NFIC: variants seen among roughly 807,000 people sequenced by gnomAD.
NFIC encodes the protein nuclear factor 1 C-type.
A neutral mutation model predicts 54.4 loss-of-function variants in NFIC; 12 were observed. That is an observed-to-expected ratio of 0.22 (90% CI 0.14 to 0.36). The LOEUF (loss-of-function observed/expected upper bound fraction) is 0.36, where lower values mean the gene tolerates loss of function less well. Among genes scored for constraint, NFIC ranks in the 10% least tolerant of loss-of-function variants. The probability of loss-of-function intolerance (pLI) is 1.00; values close to 1 mark genes in which losing one functional copy is unlikely to be tolerated. For synonymous variants in NFIC, 322 were observed against 319.2 expected (o/e 1.01, Z -0.09); for missense variants, 575 against 718.2 (o/e 0.80, Z 2.28).
intron 2 of NFIC, among the ~76,000 whole-genome samples, chr19:3,397,130 G>A (rs2081477453): frequency 6.6e-6 from 1 of 152,150 alleles, no homozygotes; most frequent in African/African-American, 2.4e-5. Flanking sequence ...ATTGTTGGCA[G>A]CTACCTCACC....
chr19:3,390,296 G>A (rs1309454682), intron 2 of NFIC, among the ~76,000 whole-genome samples: 1 of 152,224 alleles, frequency 6.6e-6, no homozygotes, highest in Non-Finnish European at 1.5e-5. Flanking sequence ...TGCCGGGCGT[G>A]AGTCGCAGAC....
chr19:3,442,380 CTTT>C (rs10622379), intron 6 of NFIC, among the ~76,000 whole-genome samples: 2 of 132,620 alleles, frequency 1.5e-5, no homozygotes. Flanking sequence ...CTTCCCATCC[CTTT>C]TTTTTTTTTT....
intron 2 of NFIC, among the ~76,000 whole-genome samples, chr19:3,414,521 G>A (rs1214023367): frequency 6.6e-6 from 1 of 151,944 alleles, no homozygotes; most frequent in Non-Finnish European, 1.5e-5. Flanking sequence ...CTTGAACCCG[G>A]GAGGTGGAGG....
chr19:3,436,079 C>T (rs373134408), intron 6 of NFIC, among the ~76,000 whole-genome samples: 24 of 151,090 alleles, frequency 1.6e-4, no homozygotes, highest in African/African-American at 5.7e-4. Flanking sequence ...TCGCCCGCCT[C>T]GGCCTCCCAA....
At chr19:3,363,263 A>AT (rs1210474799), upstream of NFIC, among the ~76,000 whole-genome samples, 122 of 60,798 alleles carry the variant, frequency 2.0e-3, no homozygotes, top group Non-Finnish European at 2.8e-3. Flanking sequence ...ATATATATAT[A>AT]TATATATTTT....
In NFIC at chr19:3,458,896, G is replaced by A. The variant is rs1043622488; in HGVS notation, c.1509+2261G>A. Among the ~76,000 whole-genome samples, 1 of 152,106 alleles carries A rather than the reference G, an allele frequency of 6.6e-6. No individual in the cohort carries two copies. The highest frequency in any genetic ancestry group is 1.9e-4 in the East Asian group (1 of 5,180). ...GGAGCATGGGTTAGGGGGAAGGCGAGGTCCCCAAACTGGGCATCCAGGGAG... is the reference window on the plus strand; with the variant it reads ...GGAGCATGGGTTAGGGGGAAGGCGAAGTCCCCAAACTGGGCATCCAGGGAG... On this transcript the variant is annotated intron_variant, in intron 10 of 10. Transcript: ENST00000443272. This position sits in a 1 kb window ranked among gnomAD's most constrained non-coding sequence, Gnocchi z 4.1.
intron 10 of NFIC, among the ~76,000 whole-genome samples, chr19:3,460,498 T>G (rs1443789753): frequency 1.3e-5 from 2 of 152,030 alleles, no homozygotes; most frequent in East Asian, 3.9e-4. Flanking sequence ...AGGAGAATTT[T>G]TTTTTGTTTT....
At position 3,452,648 on chromosome 19, in the gene NFIC, C is replaced by T. The variant is rs1226083698; in HGVS notation, c.1251C>T (p.Ala417=). ...KDLVSLACDP[A]SQQPGPLNGS... is the part of the protein sequence containing the mutation. Reference sequence around the variant, plus strand: ...TTGTCTCGCTGGCCTGCGACCCAGCCAGCCAGCAACCTGGACCGGTGAGTT... The same window carrying T: ...TTGTCTCGCTGGCCTGCGACCCAGCTAGCCAGCAACCTGGACCGGTGAGTT... The change falls in exon 8 of 11, where the codon GCC becomes GCT. Residue 417 remains alanine, a synonymous_variant. Transcript: ENST00000443272. The surrounding 1 kb of genome is among the most constrained non-coding windows in gnomAD (Gnocchi z 5.3). 1 of 1,609,040 alleles carries T rather than the reference C, an allele frequency of 6.2e-7. No homozygotes were observed. The highest frequency in any genetic ancestry group is 8.5e-7 in the Non-Finnish European group (1 of 1,177,770).
At chr19:3,451,317 G>A (rs73523833) in intron 7 of NFIC, among the ~76,000 whole-genome samples, 8,567 of 152,114 alleles carry the variant, frequency 0.056, 748 homozygotes, top group African/African-American at 0.19. Flanking sequence ...AGTGACGGCT[G>A]ATGGAGACGG....
intron 2 of NFIC, among the ~76,000 whole-genome samples, chr19:3,393,266 C>G (rs1296413728): frequency 6.6e-6 from 1 of 152,156 alleles, no homozygotes; most frequent in East Asian, 1.9e-4. Context: ...CCACGGCCAC[C>G]TGGAGGGGAG....
intron 3 of NFIC, among the ~76,000 whole-genome samples, chr19:3,431,586 C>A (rs1178499047): frequency 6.6e-6 from 1 of 151,890 alleles, no homozygotes; most frequent in African/African-American, 2.4e-5. Context: ...CCAGTCCCGT[C>A]TCAAACTCTG....
chr19:3,411,657 T>C (rs896546015), intron 2 of NFIC, among the ~76,000 whole-genome samples: 1 of 152,086 alleles, frequency 6.6e-6, no homozygotes, highest in African/African-American at 2.4e-5. Context: ...AGTCCTACGT[T>C]GTCCTGAAAA....
chr19:3,406,650 C>A (rs1474858642), intron 2 of NFIC, among the ~76,000 whole-genome samples: 7 of 152,258 alleles, frequency 4.6e-5, no homozygotes, highest in Non-Finnish European at 8.8e-5. Context: ...GGGGTTGGCA[C>A]AGATGCTGGC....
chr19:3,366,761 G>C, intron 1 of NFIC, 95 bp downstream of exon 1: 2 of 896,570 alleles, frequency 2.2e-6, no homozygotes, highest in Non-Finnish European at 3.1e-6. Flanking sequence ...CGAAAAAGGC[G>C]CGCGTCCCTC....
At chr19:3,372,529 G>A (rs1372065528) in intron 1 of NFIC, among the ~76,000 whole-genome samples, 1 of 152,208 alleles carries the variant, frequency 6.6e-6, no homozygotes, top group Admixed American at 6.5e-5. Flanking sequence ...AGTCTAGGCC[G>A]GGTCGGGGAC....
At chr19:3,422,219 G>A (rs1459455474) in intron 2 of NFIC, among the ~76,000 whole-genome samples, 3 of 152,050 alleles carry the variant, frequency 2.0e-5, no homozygotes, top group Non-Finnish European at 4.4e-5. Context: ...TTACAGGAGT[G>A]AGCCACTGCA....
At chr19:3,360,657 C>T (rs1046941747) in intron 1 of NFIC, among the ~76,000 whole-genome samples, 39 of 152,312 alleles carry the variant, frequency 2.6e-4, no homozygotes, top group African/African-American at 8.9e-4. Flanking sequence ...CACGTGCTGG[C>T]GCGTGTTGTG....
In NFIC at chr19:3,444,912, C is replaced by T. The variant is rs574043391; in HGVS notation, c.959-4102C>T. On this transcript the variant is annotated intron_variant, in intron 6 of 10. Transcript: ENST00000443272. ...GCATGCTTGCAGACCTGTACGTGTG[C>T]GTGCAAGCACACATACATAGACATG... 2.0e-4 allele frequency among the ~76,000 whole-genome samples: 31 copies of T among 152,260 alleles called. 1 individual carries two copies. The South Asian group carries it at 5.0e-3, about 24-fold the overall frequency.
intron 10 of NFIC, among the ~76,000 whole-genome samples, chr19:3,460,071 C>A (rs2082617457): frequency 6.6e-6 from 1 of 152,222 alleles, no homozygotes; most frequent in Admixed American, 6.5e-5. Context: ...GGAGCTGTCC[C>A]CAAATGACGT....
Sources: gnomAD v4.1 joint callset for allele counts (sites outside exome capture counted in the v4.1 genomes callset) on GRCh38, gnomAD v4.1.1 for gene constraint, Gnocchi (gnomAD v3.1) non-coding constraint, MANE v1.5 for transcripts, NCBI Gene and HGNC (gene_info 2026-07-23, HGNC 2026-07-21) for gene names.